Variants in FCSK observed in about 807,000 individuals in gnomAD.
The protein encoded by FCSK is L-fucose kinase.
A neutral mutation model predicts 122.5 loss-of-function variants in FCSK; 123 were observed. The observed-to-expected ratio is 1.00, with a 90% CI of 0.87 to 1.17. The LOEUF is 1.17. FCSK is among the 50% of genes most tolerant of loss of function. The pLI is 0.00. For missense variants in FCSK, 1,366 were observed against 1,450.4 expected (o/e 0.94, Z 0.95); for synonymous variants, 620 against 625.5 (o/e 0.99, Z 0.13).
intron 20 of FCSK, chr16:70,477,565 A>C (rs1214476046): frequency 2.6e-5 from 4 of 152,244 alleles, no homozygotes; most frequent in African/African-American, 9.6e-5. Context: ...TGTAAGTTAG[A>C]TAAGAGAAAA....
chr16:70,458,449 C>T (rs1372878222), intron 1 of FCSK, among the ~76,000 whole-genome samples: 1 of 151,628 alleles, frequency 6.6e-6, no homozygotes, highest in African/African-American at 2.4e-5. Context: ...CGTGAGCCAC[C>T]ATGCCCGGCC....
intron 13 of FCSK, among the ~76,000 whole-genome samples, chr16:70,471,678 A>G (rs1462773682): frequency 6.6e-6 from 1 of 152,050 alleles, no homozygotes; most frequent in African/African-American, 2.4e-5. Context: ...AGCTCACTGC[A>G]ATCTCTGCCT....
At chr16:70,463,542 G>A (rs2048328576) in intron 2 of FCSK, 81 bp from the exon 3 acceptor site, 1 of 1,551,412 alleles carries the variant, frequency 6.4e-7, no homozygotes, top group Admixed American at 1.7e-5. Flanking sequence ...ATCAAACACT[G>A]ATGATCAGTA....
intron 18 of FCSK, 97 bp from the exon 19 acceptor site, chr16:70,475,253 G>A (rs547877530): frequency 1.4e-5 from 20 of 1,430,138 alleles, no homozygotes; most frequent in South Asian, 5.0e-5. Context: ...TTGTCCCACC[G>A]GATGAGTCCC....
At chr16:70,478,118 G>A in intron 20 of FCSK, 154 bp from the exon 21 acceptor site, 1 of 679,810 alleles carries the variant, frequency 1.5e-6, no homozygotes. Context: ...GGATTGTTCT[G>A]GGGACAGAAG....
chr16:70,456,129 A>G (rs2048088421), intron 1 of FCSK, among the ~76,000 whole-genome samples: 1 of 152,232 alleles, frequency 6.6e-6, no homozygotes. Flanking sequence ...CTGTGATCAC[A>G]TCACTGCGTT....
At chr16:70,465,099 G>A in intron 3 of FCSK, 27 bp from the exon 4 acceptor site, 1 of 1,613,044 alleles carries the variant, frequency 6.2e-7, no homozygotes, top group Non-Finnish European at 8.5e-7. Flanking sequence ...TGAGGCCTCT[G>A]TTCACAGGGC....
At chr16:70,459,430 G>C (rs187288399) in intron 1 of FCSK, among the ~76,000 whole-genome samples, 7 of 151,128 alleles carry the variant, frequency 4.6e-5, no homozygotes, top group Admixed American at 2.6e-4. Context: ...CTAGCTACTC[G>C]GGAGGCTGAG....
chr16:70,461,935 GA>G (rs2048279344), intron 1 of FCSK, among the ~76,000 whole-genome samples: 1 of 152,132 alleles, frequency 6.6e-6, no homozygotes, highest in Non-Finnish European at 1.5e-5. Flanking sequence ...TTCATAGCAG[GA>G]CTATTCACAT....
chr16:70,460,346 T>C (rs11863394), intron 1 of FCSK, among the ~76,000 whole-genome samples: 24,308 of 150,820 alleles, frequency 0.16, 6,528 homozygotes, highest in African/African-American at 0.56. Context: ...CTCCTGACCT[T>C]GTGATCCACC....
At chr16:70,475,904 C>T (rs2048797244) in intron 20 of FCSK, 137 bp downstream of exon 20, 2 of 940,048 alleles carry the variant, frequency 2.1e-6, no homozygotes, top group Non-Finnish European at 3.0e-6. Flanking sequence ...TACTTTCCTT[C>T]TAGTCACTTT....
intron 3 of FCSK, 114 bp downstream of exon 3, chr16:70,463,888 A>G (rs2048339373): frequency 1.7e-6 from 2 of 1,198,944 alleles, no homozygotes; most frequent in Non-Finnish European, 1.1e-6. Flanking sequence ...CATTGGTCTC[A>G]GTTTTTGTTT....
At chr16:70,465,309 T>G in intron 4 of FCSK, 133 bp downstream of exon 4, 1 of 909,654 alleles carries the variant, frequency 1.1e-6, no homozygotes, top group Non-Finnish European at 1.6e-6. Flanking sequence ...TGTCCAAAAA[T>G]TGGGAAATGG....
At chr16:70,465,808 C>A (rs2048399955) in intron 4 of FCSK, among the ~76,000 whole-genome samples, 1 of 151,702 alleles carries the variant, frequency 6.6e-6, no homozygotes, top group Non-Finnish European at 1.5e-5. Context: ...AAAAAATTAG[C>A]CAGGCATGGT....
At position 70,475,632 on chromosome 16, in the gene FCSK, C is replaced by T. The variant is rs1157891611; in HGVS notation, c.2522-16C>T. 1 of 1,577,460 alleles carries T rather than the reference C, an allele frequency of 6.3e-7. No individual in the cohort carries two copies. Among genetic ancestry groups the T allele is most frequent in the African/African-American group, 1.3e-5 (1 of 74,202 alleles). On this transcript the variant is annotated splice_polypyrimidine_tract_variant and intron_variant, in intron 19 of 23. Transcript: ENST00000288078. ...TGGAGGTGTTTCATGTCTGCTCTCT[C>T]CTCTCCGCCCTGCAGGCACCAGCAG...
At position 70,474,564 on chromosome 16, in the gene FCSK, G is replaced by A. The variant is rs1268705733; in HGVS notation, c.2025G>A (p.Glu675=). The part of the protein sequence containing the change: ...ALLVRAARHY[E]GAGQILIRQA... ...TGGTGCGAGCGGCCCGCCACTATGA[G>A]GGGGCTGGTCAGATCCTGATCCGCC... Residue 675 remains glutamate (E), a synonymous_variant, in exon 17 of 24, where the codon GAG becomes GAA. Transcript: ENST00000288078. 1.3e-6 allele frequency: 2 copies of A among 1,556,762 alleles called. No individual in the cohort carries two copies. The highest frequency in any genetic ancestry group is 1.7e-6 in the Non-Finnish European group (2 of 1,150,406).
intron 3 of FCSK, among the ~76,000 whole-genome samples, chr16:70,464,699 CA>C (rs774838734): frequency 0.098 from 5,154 of 52,790 alleles, 377 homozygotes; most frequent in African/African-American, 0.26. Context: ...GACTGCATCT[CA>C]AAAAAAAAAA....
chr16:70,473,216 G>A lies in FCSK; in HGVS notation c.1640G>A (p.Arg547Gln), dbSNP rs779832150. ...LDRAATLASR[R>Q]DLFFRQALHK... Reference sequence around the variant, plus strand: ...CGGGCTGCCACGCTGGCCTCTCGCCGGGACCTGTTCTTCCGCCAGGCCCTG... The same window carrying A: ...CGGGCTGCCACGCTGGCCTCTCGCCAGGACCTGTTCTTCCGCCAGGCCCTG... The change falls in exon 15 of 24, where the codon CGG becomes CAG. Residue 547 changes from arginine (R) to glutamine (Q), a missense_variant. Transcript: ENST00000288078. The surrounding 1 kb of genome is among the most constrained non-coding windows in gnomAD (Gnocchi z 4.9). The A allele has an allele frequency of 5.0e-5, 77 of 1,536,196 alleles. No individual in the cohort carries two copies. Among genetic ancestry groups the A allele is most frequent in the Middle Eastern group, 4.1e-4 (2 of 4,880 alleles).
At position 70,479,589 on chromosome 16, in the gene FCSK, A is replaced by G. The variant is rs2048935406; in HGVS notation, c.3164A>G (p.Asn1055Ser). The change falls in exon 24 of 24, where the codon AAT becomes AGT. Residue 1055 changes from asparagine to serine, a missense_variant. Physicochemically the swap from Asn to Ser is conservative, Grantham distance 46. Coordinates refer to ENST00000288078, the MANE Select transcript of FCSK (RefSeq NM_145059.3). The part of the protein sequence containing the change: ...AVLAKTEGLG[N>S]YSIHLVEVDT... ...TCCTGTCTTGTCCAGGGCCTTGGGAATTACAGCATCCACCTGGTTGAAGTG... is the reference window on the plus strand; with the variant it reads ...TCCTGTCTTGTCCAGGGCCTTGGGAGTTACAGCATCCACCTGGTTGAAGTG... The G allele has an allele frequency of 1.2e-6, 2 of 1,613,996 alleles. No individual in the cohort carries two copies. The highest frequency in any genetic ancestry group is 2.2e-5 in the South Asian group (2 of 91,040).
Sources: gnomAD v4.1 joint callset for allele counts (sites outside exome capture counted in the v4.1 genomes callset) on GRCh38, gnomAD v4.1.1 for gene constraint, Gnocchi (gnomAD v3.1) non-coding constraint, MANE v1.5 for transcripts, NCBI Gene and HGNC (gene_info 2026-07-23, HGNC 2026-07-21) for gene names.